Variants in FRAS1 observed in about 807,000 individuals in gnomAD.
The protein encoded by FRAS1 is Fraser extracellular matrix complex subunit 1.
FRAS1 carries 290 observed loss-of-function variants against 435.2 expected under a neutral mutation model. That is an observed-to-expected ratio of 0.67 (90% CI 0.61 to 0.73). The LOEUF is 0.73. Among genes scored for constraint, FRAS1 ranks in the 30% least tolerant of loss-of-function variants. The pLI, the probability that FRAS1 is intolerant of heterozygous loss-of-function variation, is 0.00. For synonymous variants in FRAS1, 1,800 were observed against 1,851.0 expected (o/e 0.97, Z 0.71); for missense variants, 4,860 against 5,001.5 (o/e 0.97, Z 0.85).
At chr4:78,260,464 A>G (rs1041026343) in intron 6 of FRAS1, among the ~76,000 whole-genome samples, 10 of 152,116 alleles carry the variant, frequency 6.6e-5, no homozygotes, top group Non-Finnish European at 1.5e-4. Context: ...TCTTTGAAGC[A>G]ATTGTGAACG....
chr4:78,080,839 T>C (rs531551618), intron 2 of FRAS1, among the ~76,000 whole-genome samples: 2 of 152,336 alleles, frequency 1.3e-5, no homozygotes, highest in East Asian at 3.9e-4. Context: ...TCCTTCATAG[T>C]TACATTACCT....
At chr4:78,224,699 ATTAT>A (rs1334944105) in intron 2 of FRAS1, among the ~76,000 whole-genome samples, 1 of 151,934 alleles carries the variant, frequency 6.6e-6, no homozygotes, top group Non-Finnish European at 1.5e-5. Flanking sequence ...CACCCAGCTA[ATTAT>A]TTATTTTTTG....
At position 78,379,837 on chromosome 4, in the gene FRAS1, T is replaced by C. The variant is rs1459794022; in HGVS notation, c.3404T>C (p.Val1135Ala). 3.1e-6 allele frequency: 5 copies of C among 1,613,618 alleles called. No homozygotes were observed. The highest frequency in any genetic ancestry group is 4.2e-6 in the Non-Finnish European group (5 of 1,179,820). The change falls in exon 27 of 74, where the codon GTC (valine) becomes GCC (alanine). Residue 1135 changes from valine to alanine, a missense_variant. By Grantham distance (64) the Val-to-Ala change is moderately conservative. Transcript: ENST00000512123. Reference sequence around the variant, plus strand: ...AATGTCCAAGACCAGGAGGGTAGGGTCGAAGATCTCCTATTTCATGTTGTG... The same window carrying C: ...AATGTCCAAGACCAGGAGGGTAGGGCCGAAGATCTCCTATTTCATGTTGTG... ...LLNVQDQEGR[V>A]EDLLFHVVST... is the part of the protein sequence containing the mutation.
intron 14 of FRAS1, among the ~76,000 whole-genome samples, chr4:78,287,159 TGAGA>T (rs1195077275): frequency 1.3e-5 from 2 of 148,774 alleles, no homozygotes; most frequent in Non-Finnish European, 3.0e-5. Flanking sequence ...AGAGAGAGAG[TGAGA>T]GAGAGAGATA....
intron 2 of FRAS1, among the ~76,000 whole-genome samples, chr4:78,225,567 TTAAC>T (rs779780402): frequency 6.6e-6 from 1 of 152,192 alleles, no homozygotes; most frequent in Non-Finnish European, 1.5e-5. Flanking sequence ...TCTTGCTTCT[TTAAC>T]TATATTTCCA....
chr4:78,234,831 TG>T (rs1045372036), intron 2 of FRAS1, among the ~76,000 whole-genome samples: 3 of 152,212 alleles, frequency 2.0e-5, no homozygotes, highest in Admixed American at 2.0e-4. Flanking sequence ...TTTTATTTTT[TG>T]CTTGGAAATG....
At chr4:78,102,921 C>A (rs926879097) in intron 2 of FRAS1, among the ~76,000 whole-genome samples, 1 of 152,178 alleles carries the variant, frequency 6.6e-6, no homozygotes, top group Admixed American at 6.5e-5. Flanking sequence ...TTGGAAATGG[C>A]ATGGGGTGTA....
At chr4:78,455,160 T>G (rs182179572) in intron 47 of FRAS1, among the ~76,000 whole-genome samples, 1 of 151,922 alleles carries the variant, frequency 6.6e-6, no homozygotes, top group Non-Finnish European at 1.5e-5. Flanking sequence ...TTCCCTGCCC[T>G]CCTCATCACC....
intron 29 of FRAS1, among the ~76,000 whole-genome samples, chr4:78,391,136 C>A (rs982479546): frequency 7.2e-5 from 11 of 152,212 alleles, no homozygotes; most frequent in Middle Eastern, 3.4e-3. Context: ...GATGAGAAGC[C>A]CTTGGGGCAC....
At chr4:78,126,954 T>C (rs767795889) in intron 2 of FRAS1, among the ~76,000 whole-genome samples, 1 of 152,196 alleles carries the variant, frequency 6.6e-6, no homozygotes, top group Non-Finnish European at 1.5e-5. Context: ...GCCCCAACCA[T>C]TTATTCATTT....
chr4:78,063,025 C>T (rs1187433106), intron 1 of FRAS1, among the ~76,000 whole-genome samples: 1 of 152,188 alleles, frequency 6.6e-6, no homozygotes, highest in Non-Finnish European at 1.5e-5. Flanking sequence ...GATCAGCACT[C>T]TCTCACAGAA....
chr4:78,325,719 A>G (rs1033349244), intron 18 of FRAS1, among the ~76,000 whole-genome samples: 10 of 152,224 alleles, frequency 6.6e-5, no homozygotes, highest in African/African-American at 2.4e-4. Context: ...TAAGCAAACA[A>G]TGAAAAGAGC....
At chr4:78,432,143 A>G (rs1045066981) in intron 37 of FRAS1, among the ~76,000 whole-genome samples, 3 of 152,208 alleles carry the variant, frequency 2.0e-5, no homozygotes, top group African/African-American at 7.2e-5. Flanking sequence ...TTGTAAAACA[A>G]TGATCCTCCC....
chr4:78,176,374 G>T (rs972933939), intron 2 of FRAS1, among the ~76,000 whole-genome samples: 1 of 152,082 alleles, frequency 6.6e-6, no homozygotes, highest in Non-Finnish European at 1.5e-5. Context: ...ATGAGGACTC[G>T]CAATTCCACC....
chr4:78,308,119 G>T lies in FRAS1; in HGVS notation c.1588G>T (p.Ala530Ser), dbSNP rs1261897628. The change falls in exon 15 of 74, where the codon GCC (alanine) becomes TCC (serine). Residue 530 changes from alanine (A) to serine (S), a missense_variant. Coordinates refer to ENST00000512123, the MANE Select transcript of FRAS1 (RefSeq NM_025074.7). The part of the protein sequence containing the change: ...CWGPTEKHCL[A>S]CRDPLHVLRD... ...GGGCCCAACGGAGAAGCACTGCTTG[G>T]CCTGCAGAGATCCCCTCCACGTGCT... 1 of 1,613,934 alleles carries T rather than the reference G, an allele frequency of 6.2e-7. No homozygotes were observed. Among genetic ancestry groups the T allele is most frequent in the Admixed American group, 1.7e-5 (1 of 60,026 alleles).
chr4:78,379,954 A>G lies in FRAS1; in HGVS notation c.3521A>G (p.Asn1174Ser), dbSNP rs758239752. 8.1e-6 allele frequency: 13 copies of G among 1,613,572 alleles called. No homozygotes were observed. The African/African-American group carries it at 1.6e-4, about 20-fold the overall frequency. Reference protein sequence around the residue: ...KAGRFSWKDVNEKKVRFVHSK... With the variant: ...KAGRFSWKDVSEKKVRFVHSK... ...GGCCGTTTTAGCTGGAAAGATGTGAACGAGAAGAAAGTGCGTTTTGTGCAC... is the reference window on the plus strand; with the variant it reads ...GGCCGTTTTAGCTGGAAAGATGTGAGCGAGAAGAAAGTGCGTTTTGTGCAC... Residue 1174 changes from asparagine (N) to serine (S), a missense_variant, in exon 27 of 74, where the codon AAC becomes AGC. Transcript: ENST00000512123.
chr4:78,340,747 A>C (rs385285), intron 20 of FRAS1, among the ~76,000 whole-genome samples: 26,947 of 152,024 alleles, frequency 0.18, 3,249 homozygotes, highest in African/African-American at 0.35. Context: ...GGCTTGGCTT[A>C]CTCGGAGGCC....
rs1198870461 is a variant in FRAS1, at chr4:78,318,817, C to G, written c.1968C>G (p.His656Gln). The change falls in exon 18 of 74, where the codon CAC (histidine) becomes CAG (glutamine). Residue 656 changes from histidine to glutamine, a missense_variant. His to Gln is a conservative substitution (Grantham distance 24, BLOSUM62 0). Coordinates refer to ENST00000512123, the MANE Select transcript of FRAS1 (RefSeq NM_025074.7). Reference protein sequence around the residue: ...YSDHGVCKACHSSCLACMGPA... With the variant: ...YSDHGVCKACQSSCLACMGPA... ...TTTTATTTCCATTTGCAGCCTGTCA[C>G]TCCTCCTGCCTGGCTTGTATGGGTC... 1.3e-6 allele frequency: 2 copies of G among 1,561,888 alleles called. No homozygotes were observed. Among genetic ancestry groups the G allele is most frequent in the Admixed American group, 1.9e-5 (1 of 53,004 alleles).
intron 66 of FRAS1, among the ~76,000 whole-genome samples, chr4:78,517,378 C>T (rs908738585): frequency 6.6e-6 from 1 of 152,140 alleles, no homozygotes; most frequent in Admixed American, 6.5e-5. Flanking sequence ...TTAGTATTCT[C>T]TGTTCTTTAT....
Sources: allele counts gnomAD v4.1 joint callset (sites outside exome capture counted in the v4.1 genomes callset), GRCh38; gene constraint gnomAD v4.1.1; transcripts MANE v1.5; gene names NCBI Gene and HGNC (gene_info 2026-07-23, HGNC 2026-07-21).